The following TRABD2B variants were observed in gnomAD, a reference collection of about 807,000 sequenced individuals.
TRABD2B encodes the protein metalloprotease TIKI2.
Under a neutral mutation model 40.1 loss-of-function variants are expected in TRABD2B, and 14 were observed. That is an observed-to-expected ratio of 0.35 (90% CI 0.23 to 0.55). The LOEUF (loss-of-function observed/expected upper bound fraction) is 0.55. Ranked by LOEUF, TRABD2B falls within the 20% of genes least tolerant of loss-of-function variation. The probability of loss-of-function intolerance (pLI) is 0.90; values close to 1 mark genes in which losing one functional copy is unlikely to be tolerated. For missense variants in TRABD2B, 541 were observed against 648.6 expected, an observed-to-expected ratio of 0.83 and a Z score of 1.80; for synonymous variants, 263 against 277.0, an observed-to-expected ratio of 0.95 and a Z score of 0.50.
intron 2 of TRABD2B, among the ~76,000 whole-genome samples, chr1:47,816,095 G>A (rs1253169083): frequency 6.6e-6 from 1 of 152,106 alleles, no homozygotes; most frequent in Admixed American, 6.5e-5. Flanking sequence ...TTGTGATCTG[G>A]TCTGGCTGTT....
Position 47,895,379 on chromosome 1 carries a change from G to A in TRABD2B, c.667-93760C>T, listed in dbSNP as rs181970589. On this transcript the variant is annotated intron_variant, in intron 2 of 6. Coordinates refer to ENST00000606738, the MANE Select transcript of TRABD2B (RefSeq NM_001194986.2). Reference sequence around the variant, plus strand: ...TGTGGGTTGCTCTGCTGAGCGGAGGGAAGCATGTACACTTCCAAGTTCAAC... The same window carrying A: ...TGTGGGTTGCTCTGCTGAGCGGAGGAAAGCATGTACACTTCCAAGTTCAAC... Among the ~76,000 whole-genome samples, 5 of 152,318 alleles carry A rather than the reference G, an allele frequency of 3.3e-5. No individual in the cohort carries two copies. The East Asian group carries it at 9.7e-4, about 29-fold the overall frequency.
chr1:47,992,602 T>A (rs1347673588), intron 2 of TRABD2B, among the ~76,000 whole-genome samples: 2 of 152,118 alleles, frequency 1.3e-5, no homozygotes, highest in African/African-American at 4.8e-5. Flanking sequence ...CAAACCTGCC[T>A]CCGAAATGAG....
intron 2 of TRABD2B, among the ~76,000 whole-genome samples, chr1:47,873,560 C>T (rs762413999): frequency 6.6e-5 from 10 of 152,124 alleles, no homozygotes; most frequent in South Asian, 4.1e-4. Context: ...ACCAGGACAA[C>T]GAGGGAAGCA....
chr1:47,783,201 G>C (rs77891287), intron 4 of TRABD2B, among the ~76,000 whole-genome samples: 1 of 152,086 alleles, frequency 6.6e-6, no homozygotes, highest in African/African-American at 2.4e-5. Context: ...TGGAGAGAAA[G>C]AGAAAGGGGC....
chr1:47,960,018 A>T (rs1169666575), intron 2 of TRABD2B, among the ~76,000 whole-genome samples: 1 of 152,224 alleles, frequency 6.6e-6, no homozygotes, highest in Non-Finnish European at 1.5e-5. Context: ...ATCCACCACG[A>T]TCAAGCTGGC....
chr1:47,800,992 T>C (rs909476917), intron 3 of TRABD2B, among the ~76,000 whole-genome samples: 7 of 152,058 alleles, frequency 4.6e-5, no homozygotes, highest in Non-Finnish European at 8.8e-5. Context: ...TGGGGAGGCA[T>C]GGTGGAGTCT....
rs1644596196 is a variant in TRABD2B at position 47,786,419 on chromosome 1, G to A, written c.989-7875C>T. ...CTTCTAGACTCTCCTCTGTTTCGGA[G>A]GGTGAGGGCTGGCTCCAGCTAGGGA... On this transcript the variant is annotated intron_variant, in intron 4 of 6. Coordinates refer to ENST00000606738, the MANE Select transcript of TRABD2B (RefSeq NM_001194986.2). Among the ~76,000 whole-genome samples the A allele has an allele frequency of 1.3e-5, 2 of 152,238 alleles. 1 individual carries two copies. The highest frequency in any genetic ancestry group is 1.3e-4 in the Admixed American group (2 of 15,288).
chr1:47,896,131 C>T (rs1262444473), intron 2 of TRABD2B, among the ~76,000 whole-genome samples: 1 of 152,226 alleles, frequency 6.6e-6, no homozygotes, highest in African/African-American at 2.4e-5. Context: ...AACAAGCTAT[C>T]TTTATGAAAT....
At chr1:47,771,418 T>C (rs1644376698) in intron 6 of TRABD2B, among the ~76,000 whole-genome samples, 1 of 152,070 alleles carries the variant, frequency 6.6e-6, no homozygotes, top group Admixed American at 6.6e-5. Flanking sequence ...ACTGGGAAGG[T>C]AGTCTCTTCC....
In TRABD2B at chr1:47,763,259, G is replaced by T. The variant is rs1053759129; in HGVS notation, c.*2643C>A. ...TTGAGTTCATTTCAGACCCTGGCCA[G>T]CTGGTGGTCCTCAGAGATCAGTGAA... On this transcript the variant is annotated 3_prime_UTR_variant, in exon 7 of 7. Transcript: ENST00000606738. 3.3e-5 allele frequency: 5 copies of T among 152,236 alleles called. No individual in the cohort carries two copies. The highest frequency in any genetic ancestry group is 3.3e-4 in the Admixed American group (5 of 15,284). 9.4% of individuals were successfully genotyped at this position (152,236 alleles called of 1,614,324 possible).
intron 2 of TRABD2B, among the ~76,000 whole-genome samples, chr1:47,960,491 TA>T (rs1477502726): frequency 6.6e-6 from 1 of 152,148 alleles, no homozygotes; most frequent in Non-Finnish European, 1.5e-5. Context: ...AAAATCTCCT[TA>T]AGCTGATAAG....
intron 2 of TRABD2B, among the ~76,000 whole-genome samples, chr1:47,915,310 C>G (rs2124717239): frequency 1.3e-5 from 2 of 152,290 alleles, no homozygotes; most frequent in East Asian, 3.9e-4. Flanking sequence ...GCTACAGACT[C>G]TTCTCAAAGG....
At chr1:47,966,642 C>T (rs1399085663) in intron 2 of TRABD2B, among the ~76,000 whole-genome samples, 3 of 152,134 alleles carry the variant, frequency 2.0e-5, no homozygotes, top group African/African-American at 7.2e-5. Context: ...CAGTGGCTCA[C>T]ACTTGTAATC....
At chr1:47,993,639 C>T (rs1022688244) in intron 2 of TRABD2B, among the ~76,000 whole-genome samples, 6 of 152,108 alleles carry the variant, frequency 3.9e-5, no homozygotes, top group African/African-American at 1.4e-4. Flanking sequence ...GGGCACTGTC[C>T]ACACACCAGC....
intron 4 of TRABD2B, among the ~76,000 whole-genome samples, chr1:47,781,188 T>C (rs1040966132): frequency 6.6e-6 from 1 of 152,066 alleles, no homozygotes; most frequent in Non-Finnish European, 1.5e-5. Flanking sequence ...TGCAAGCGGC[T>C]CTTGGACTCT....
intron 2 of TRABD2B, among the ~76,000 whole-genome samples, chr1:47,835,660 T>A (rs971828017): frequency 2.6e-5 from 4 of 152,210 alleles, no homozygotes; most frequent in Non-Finnish European, 5.9e-5. Context: ...GAATTCTATA[T>A]CCAGCAAAAC....
Position 47,994,671 on chromosome 1 carries a change from G to T in TRABD2B, c.103-74C>A. 1 of 1,344,620 alleles carries T rather than the reference G, an allele frequency of 7.4e-7. No homozygotes were observed. Among genetic ancestry groups the T allele is most frequent in the Non-Finnish European group, 1.0e-6 (1 of 997,306 alleles). The allele number at this position is 1,344,620 out of a possible 1,614,324, so 83.3% of individuals were successfully genotyped here. ...TAGAGTCAGGGTAGCCCAGAGGCAC[G>T]TTGCAGAGGGAGGTGGGGATGGGAG... is the stretch of plus-strand genomic sequence containing the variant. On this transcript the variant is annotated intron_variant, in intron 1 of 6. Transcript: ENST00000606738. The surrounding 1 kb of genome is among the most constrained non-coding windows in gnomAD (Gnocchi z 6.7).
chr1:47,993,471 C>T (rs1185095231), intron 2 of TRABD2B, among the ~76,000 whole-genome samples: 1 of 152,222 alleles, frequency 6.6e-6, no homozygotes, highest in Non-Finnish European at 1.5e-5. Flanking sequence ...TTCTCCTGGC[C>T]TTAGCGAGGC....
At chr1:47,972,620 T>C (rs1411141512) in intron 2 of TRABD2B, among the ~76,000 whole-genome samples, 1 of 152,216 alleles carries the variant, frequency 6.6e-6, no homozygotes, top group Non-Finnish European at 1.5e-5. Flanking sequence ...GCTGGCTTCC[T>C]GACCTCAGAC....
Sources: allele counts gnomAD v4.1 joint callset (sites outside exome capture counted in the v4.1 genomes callset), GRCh38; gene constraint gnomAD v4.1.1; non-coding constraint Gnocchi (gnomAD v3.1); transcripts MANE v1.5; gene names NCBI Gene and HGNC (gene_info 2026-07-23, HGNC 2026-07-21).